The following ADAM29 variants were observed in gnomAD, a reference collection of about 807,000 sequenced individuals.
ADAM29 encodes disintegrin and metalloproteinase domain-containing protein 29.
For missense variants in ADAM29, 969 were observed against 1,001.8 expected, an observed-to-expected ratio of 0.97 and a Z score of 0.44; for synonymous variants, 367 against 342.3, an observed-to-expected ratio of 1.07 and a Z score of -0.80.
intron 4 of ADAM29, among the ~76,000 whole-genome samples, chr4:174,958,312 C>T (rs1371412082): frequency 6.6e-6 from 1 of 151,636 alleles, no homozygotes; most frequent in Admixed American, 6.6e-5. Context: ...ATCAGGTTTT[C>T]CCTCAAATAT....
In ADAM29 at chr4:174,977,446, C is replaced by T. The variant is rs903482781; in HGVS notation, c.1921C>T (p.His641Tyr). 1 of 1,613,838 alleles carries T rather than the reference C, an allele frequency of 6.2e-7. No individual in the cohort carries two copies. Among genetic ancestry groups the T allele is most frequent in the Admixed American group, 1.7e-5 (1 of 60,010 alleles). Reference protein sequence around the residue: ...NKRGICNNKHHCHCNYLWDPP... With the variant: ...NKRGICNNKHYCHCNYLWDPP... ...GAGGGGCATCTGCAACAATAAACAT[C>T]ACTGCCATTGCAATTATCTGTGGGA... Residue 641 changes from histidine (H) to tyrosine (Y), a missense_variant, in exon 5 of 5, where the codon CAC becomes TAC. Physicochemically the swap from His to Tyr is moderately conservative, Grantham distance 83. Transcript: ENST00000359240.
intron 2 of ADAM29, among the ~76,000 whole-genome samples, chr4:174,925,482 A>AT (rs2110906100): frequency 6.6e-6 from 1 of 152,314 alleles, no homozygotes; most frequent in African/African-American, 2.4e-5. Context: ...TGGCTAAGAC[A>AT]TATAGGAGTA....
At chr4:174,974,390 C>T (rs1241061895) in intron 4 of ADAM29, among the ~76,000 whole-genome samples, 1 of 152,206 alleles carries the variant, frequency 6.6e-6, no homozygotes, top group Non-Finnish European at 1.5e-5. Context: ...TGACCTTCCT[C>T]AAGTCCAAAG....
At chr4:174,969,062 T>A (rs1401946365) in intron 4 of ADAM29, among the ~76,000 whole-genome samples, 1 of 152,058 alleles carries the variant, frequency 6.6e-6, no homozygotes, top group Non-Finnish European at 1.5e-5. Context: ...ACAAAGACTT[T>A]CCATCACATA....
At chr4:174,959,257 T>C (rs1327463691) in intron 4 of ADAM29, among the ~76,000 whole-genome samples, 1 of 151,890 alleles carries the variant, frequency 6.6e-6, no homozygotes, top group Non-Finnish European at 1.5e-5. Context: ...GGCAGGGATT[T>C]TTTTTCTCCC....
At chr4:174,964,279 G>GT (rs1440810117) in intron 4 of ADAM29, among the ~76,000 whole-genome samples, 1 of 151,872 alleles carries the variant, frequency 6.6e-6, no homozygotes, top group Non-Finnish European at 1.5e-5. Context: ...ATCAAAGATT[G>GT]TATGTACAGA....
chr4:174,922,882 C>T (rs1364582404), intron 2 of ADAM29, among the ~76,000 whole-genome samples: 2 of 151,722 alleles, frequency 1.3e-5, no homozygotes, highest in East Asian at 1.9e-4. Flanking sequence ...TTATAATTCA[C>T]CGTGAATAGC....
intron 2 of ADAM29, among the ~76,000 whole-genome samples, chr4:174,923,436 T>A (rs1743283295): frequency 6.6e-6 from 1 of 150,724 alleles, no homozygotes; most frequent in Non-Finnish European, 1.5e-5. Flanking sequence ...CCCCATAAGC[T>A]GTTAGGAGCT....
At chr4:174,946,117 C>G (rs1744836533) in intron 4 of ADAM29, among the ~76,000 whole-genome samples, 1 of 152,118 alleles carries the variant, frequency 6.6e-6, no homozygotes, top group Admixed American at 6.5e-5. Flanking sequence ...TTCTTTCTCT[C>G]CATGAGCACA....
intron 4 of ADAM29, among the ~76,000 whole-genome samples, chr4:174,952,520 T>C (rs894666130): frequency 2.0e-5 from 3 of 152,214 alleles, no homozygotes; most frequent in African/African-American, 7.2e-5. Flanking sequence ...CCAGTTAATA[T>C]ATTTTTTAAA....
chr4:174,918,686 A>T (rs1560853749), intron 1 of ADAM29, among the ~76,000 whole-genome samples: 1 of 152,138 alleles, frequency 6.6e-6, no homozygotes, highest in Non-Finnish European at 1.5e-5. Flanking sequence ...AATAGATGAA[A>T]ACCTAATTGA....
rs1373460381 is a variant in ADAM29 at position 174,977,273 on chromosome 4, G to A, written c.1748G>A (p.Ser583Asn). Reference sequence around the variant, plus strand: ...CGCTTCAATGACATAATGTGCTGGAGTACTGATTACCATTTGGGGATGAAG... The same window carrying A: ...CGCTTCAATGACATAATGTGCTGGAATACTGATTACCATTTGGGGATGAAG... ...WARFNDIMCW[S>N]TDYHLGMKGP... is the part of the protein sequence containing the mutation. The change falls in exon 5 of 5, where the codon AGT becomes AAT. Residue 583 changes from serine to asparagine, a missense_variant. Ser to Asn is a conservative substitution (Grantham distance 46). Coordinates refer to ENST00000359240, the MANE Select transcript of ADAM29 (RefSeq NM_014269.4). The A allele has an allele frequency of 6.2e-7, 1 of 1,613,968 alleles. No homozygotes were observed. The highest frequency in any genetic ancestry group is 2.2e-5 in the East Asian group (1 of 44,884).
intron 4 of ADAM29, among the ~76,000 whole-genome samples, chr4:174,941,691 T>TG (rs984463504): frequency 3.3e-5 from 5 of 152,074 alleles, no homozygotes; most frequent in Non-Finnish European, 7.4e-5. Flanking sequence ...GAGATGAGAT[T>TG]GGGGGGACAC....
intron 4 of ADAM29, among the ~76,000 whole-genome samples, chr4:174,951,418 T>C (rs1443382197): frequency 2.0e-5 from 3 of 152,254 alleles, no homozygotes; most frequent in Non-Finnish European, 4.4e-5. Flanking sequence ...TCTCTGATTA[T>C]TTAACTAGGA....
At position 174,975,473 on chromosome 4, in the gene ADAM29, G is replaced by T; in HGVS notation, c.-53G>T. The T allele has an allele frequency of 6.7e-7, 1 of 1,484,792 alleles. No homozygotes were observed. The highest frequency in any genetic ancestry group is 9.0e-7 in the Non-Finnish European group (1 of 1,116,450). The allele number at this position is 1,484,792 out of a possible 1,614,324, so 92.0% of individuals were successfully genotyped here. ...CAGCCCTGACTTCTGCTCTGGACCA[G>T]TGTTTCCATAACAGGGACTTCAAAA... On this transcript the variant is annotated 5_prime_UTR_variant, in exon 5 of 5. Coordinates refer to ENST00000359240, the MANE Select transcript of ADAM29 (RefSeq NM_014269.4).
intron 4 of ADAM29, among the ~76,000 whole-genome samples, chr4:174,964,738 A>C (rs1260269926): frequency 6.6e-6 from 1 of 152,106 alleles, no homozygotes; most frequent in Non-Finnish European, 1.5e-5. Context: ...AAGAAATTTA[A>C]TTAAAAATTA....
In ADAM29 at chr4:174,933,235, C is replaced by T. The variant is rs137989349; in HGVS notation, c.-262+2061C>T. On this transcript the variant is annotated intron_variant, in intron 3 of 4. Coordinates refer to ENST00000359240, the MANE Select transcript of ADAM29 (RefSeq NM_014269.4). ...ACAGAGCACATCCACAGGGCAGGGG[C>T]TTTGCTCCTTCCTCACTATATATAG... Among the ~76,000 whole-genome samples, 1,192 of 152,194 alleles carry T rather than the reference C, an allele frequency of 7.8e-3. 12 individuals are homozygous for T. Among genetic ancestry groups the T allele is most frequent in the Middle Eastern group, 0.024 (7 of 294 alleles).
chr4:174,921,639 A>G (rs1471979246), intron 2 of ADAM29, among the ~76,000 whole-genome samples: 2 of 152,208 alleles, frequency 1.3e-5, no homozygotes, highest in Non-Finnish European at 2.9e-5. Context: ...CAACTCACAT[A>G]TATTTTGATC....
At position 174,976,162 on chromosome 4, in the gene ADAM29, C is replaced by T. The variant is rs969112783; in HGVS notation, c.637C>T (p.Arg213Cys). The stretch of plus-strand genomic sequence containing the variant: ...CGTCATTGATAATTATCTGTACATT[C>T]GTTATGAAAGGAACGACTCAAAGTT... ...VVVIDNYLYIRYERNDSKLLE... is the reference protein window; with the variant it reads ...VVVIDNYLYICYERNDSKLLE... The change falls in exon 5 of 5, where the codon CGT (arginine) becomes TGT (cysteine). Residue 213 changes from arginine to cysteine, a missense_variant. Transcript: ENST00000359240. 1.1e-5 allele frequency: 18 copies of T among 1,612,646 alleles called. No homozygotes were observed. Among genetic ancestry groups the T allele is most frequent in the Admixed American group, 1.7e-5 (1 of 59,782 alleles).
Sources: allele counts gnomAD v4.1 joint callset (sites outside exome capture counted in the v4.1 genomes callset), GRCh38; gene constraint gnomAD v4.1.1; transcripts MANE v1.5; gene names NCBI Gene and HGNC (gene_info 2026-07-23, HGNC 2026-07-21).